ZSWIM7: variants seen among roughly 807,000 people sequenced by gnomAD.
The protein encoded by ZSWIM7 is zinc finger SWIM domain-containing protein 7.
In ZSWIM7, 22 loss-of-function variants were observed where a neutral mutation model predicts 21.1. The ratio of observed to expected loss-of-function variants is 1.04; its 90% CI spans 0.74 to 1.49. ZSWIM7 has a LOEUF of 1.49. Among genes scored for constraint, ZSWIM7 ranks in the 40% most tolerant of loss-of-function variants. The pLI is 0.00. For synonymous variants in ZSWIM7, 67 were observed against 66.5 expected (o/e 1.01, Z -0.04); for missense variants, 193 against 168.0 (o/e 1.15, Z -0.82).
At chr17:15,987,511 G>A in intron 2 of ZSWIM7, 143 bp from the exon 3 acceptor site, 1 of 671,670 alleles carries the variant, frequency 1.5e-6, no homozygotes, top group Non-Finnish European at 2.6e-6. Context: ...AAAACCCATG[G>A]ACCCATTCAC....
intron 3 of ZSWIM7, 42 bp downstream of exon 3, chr17:15,987,224 A>T (rs899190404): frequency 1.5e-5 from 22 of 1,495,840 alleles, no homozygotes; most frequent in Non-Finnish European, 1.9e-5. Flanking sequence ...ATTTTGTCCT[A>T]AGGGGTTTCT....
chr17:15,999,373 C>G, intron 1 of ZSWIM7, 146 bp downstream of exon 1: 1 of 1,071,548 alleles, frequency 9.3e-7, no homozygotes, highest in Non-Finnish European at 1.3e-6. Context: ...GTTTTTTTGT[C>G]TTTTTACGAA....
At chr17:15,979,792 G>C (rs1352112405) in intron 4 of ZSWIM7, among the ~76,000 whole-genome samples, 1 of 128,358 alleles carries the variant, frequency 7.8e-6, no homozygotes, top group Non-Finnish European at 1.7e-5. Flanking sequence ...GCCGGGCGGG[G>C]GGCTGACCCC....
chr17:15,989,991 A>C (rs994159196), intron 2 of ZSWIM7, among the ~76,000 whole-genome samples: 2 of 151,966 alleles, frequency 1.3e-5, no homozygotes, highest in African/African-American at 2.4e-5. Flanking sequence ...GAGGCCGAGG[A>C]AGGTGGCTCA....
chr17:15,991,928 GTTTTGTTTTT>G (rs1309442886), intron 2 of ZSWIM7, among the ~76,000 whole-genome samples: 1 of 125,558 alleles, frequency 8.0e-6, no homozygotes, highest in African/African-American at 3.2e-5. Context: ...GTTTTGTTTT[GTTTTGTTTTT>G]TTTTTGAGAC....
At chr17:15,998,712 C>G (rs574203651) in intron 1 of ZSWIM7, among the ~76,000 whole-genome samples, 44 of 151,536 alleles carry the variant, frequency 2.9e-4, no homozygotes, top group Non-Finnish European at 4.9e-4. Context: ...CAGATTTACT[C>G]CAACGATTGC....
intron 1 of ZSWIM7, among the ~76,000 whole-genome samples, chr17:15,998,983 T>A (rs1970617948): frequency 6.6e-6 from 1 of 152,308 alleles, no homozygotes; most frequent in Non-Finnish European, 1.5e-5. Context: ...CTCGAACTCC[T>A]GACCTTAGGT....
chr17:15,978,282 G>A, intron 4 of ZSWIM7, 119 bp from the exon 5 acceptor site: 1 of 748,696 alleles, frequency 1.3e-6, no homozygotes, highest in Non-Finnish European at 2.3e-6. Context: ...ACAGATTACG[G>A]GGTCTCTAAC....
intron 3 of ZSWIM7, among the ~76,000 whole-genome samples, chr17:15,982,775 T>C (rs1020209088): frequency 3.3e-5 from 5 of 152,146 alleles, no homozygotes; most frequent in Non-Finnish European, 7.4e-5. Flanking sequence ...TTCAGTCTCC[T>C]GAGGAGGTAG....
At chr17:15,980,546 T>C (rs1292544120) in intron 4 of ZSWIM7, among the ~76,000 whole-genome samples, 1 of 152,232 alleles carries the variant, frequency 6.6e-6, no homozygotes, top group African/African-American at 2.4e-5. Flanking sequence ...ATAAGGTGTG[T>C]GTGAGTATGT....
chr17:15,999,452 G>A (rs534275160), intron 1 of ZSWIM7, 67 bp downstream of exon 1: 6 of 1,569,002 alleles, frequency 3.8e-6, no homozygotes, highest in East Asian at 4.6e-5. Context: ...CCTGCCTCCC[G>A]GCCCGGCGGT....
At chr17:15,981,919 A>C (rs974227411) in intron 3 of ZSWIM7, among the ~76,000 whole-genome samples, 2 of 152,194 alleles carry the variant, frequency 1.3e-5, no homozygotes, top group Non-Finnish European at 2.9e-5. Flanking sequence ...CTCTAAAATA[A>C]AGATAGGTCA....
chr17:15,991,151 C>A (rs1305930773), intron 2 of ZSWIM7: 1 of 145,398 alleles, frequency 6.9e-6, no homozygotes, highest in Admixed American at 6.7e-5. Flanking sequence ...CACTTTAATA[C>A]CTACTGTGAA....
chr17:15,995,774 A>T (rs756733524), intron 1 of ZSWIM7, among the ~76,000 whole-genome samples: 6 of 152,068 alleles, frequency 3.9e-5, no homozygotes, highest in Non-Finnish European at 8.8e-5. Flanking sequence ...GATGGAGGGA[A>T]TTCATCAATC....
intron 1 of ZSWIM7, among the ~76,000 whole-genome samples, chr17:15,998,613 T>G (rs1168045152): frequency 2.0e-5 from 3 of 152,130 alleles, no homozygotes; most frequent in Non-Finnish European, 4.4e-5. Context: ...GAACACATCT[T>G]GAGATCAACC....
rs866548461 is a variant in ZSWIM7, at chr17:15,999,545, G to A, written c.50C>T (p.Ala17Val). ...TCGCGCGCTCTCCTGCACCGCCGCCGCCATCTCGCTCAGGAGCTCCTCCAC... is the reference window on the plus strand; with the variant it reads ...TCGCGCGCTCTCCTGCACCGCCGCCACCATCTCGCTCAGGAGCTCCTCCAC... The part of the protein sequence containing the change: ...AVVEELLSEM[A>V]AAVQESARIP... Residue 17 changes from alanine to valine, a missense_variant, in exon 1 of 5, where the codon GCG becomes GTG. Coordinates refer to ENST00000399277, the MANE Select transcript of ZSWIM7 (RefSeq NM_001042697.2). 2 of 1,598,790 alleles carry A rather than the reference G, an allele frequency of 1.3e-6. No homozygotes were observed. The highest frequency in any genetic ancestry group is 8.5e-7 in the Non-Finnish European group (1 of 1,175,002).
intron 3 of ZSWIM7, among the ~76,000 whole-genome samples, chr17:15,982,184 G>T (rs1970363616): frequency 6.6e-6 from 1 of 152,066 alleles, no homozygotes; most frequent in Non-Finnish European, 1.5e-5. Context: ...AGAGGTACAG[G>T]AGAAACAAGA....
At position 15,981,051 on chromosome 17, in the gene ZSWIM7, C is replaced by T. The variant is rs939149904; in HGVS notation, c.295G>A (p.Asp99Asn). 4 of 1,612,840 alleles carry T rather than the reference C, an allele frequency of 2.5e-6. No homozygotes were observed. The highest frequency in any genetic ancestry group is 2.2e-5 in the South Asian group (2 of 90,950). Reference protein sequence around the residue: ...AFAFSVLRKSDSILCKHLLAV... With the variant: ...AFAFSVLRKSNSILCKHLLAV... ...TTCCCCATCCTCACCAGGATGCTGTCACTCTTCCGTAGCACTGAGAATGCA... is the reference window on the plus strand; with the variant it reads ...TTCCCCATCCTCACCAGGATGCTGTTACTCTTCCGTAGCACTGAGAATGCA... Residue 99 changes from aspartate (D) to asparagine (N), a missense_variant, in exon 4 of 5, where the codon GAC becomes AAC. Coordinates refer to ENST00000399277, the MANE Select transcript of ZSWIM7 (RefSeq NM_001042697.2).
intron 2 of ZSWIM7, among the ~76,000 whole-genome samples, chr17:15,989,501 A>G (rs944142154): frequency 6.6e-6 from 1 of 151,990 alleles, no homozygotes; most frequent in African/African-American, 2.4e-5. Flanking sequence ...ATTTTTTAGT[A>G]GAGATGGGCT....
Sources: allele counts gnomAD v4.1 joint callset (sites outside exome capture counted in the v4.1 genomes callset), GRCh38; gene constraint gnomAD v4.1.1; transcripts MANE v1.5; gene names NCBI Gene and HGNC (gene_info 2026-07-23, HGNC 2026-07-21).